Variants in SEMA5A observed in about 807,000 individuals in gnomAD.
SEMA5A encodes semaphorin-5A.
Under a neutral mutation model 135.5 loss-of-function variants are expected in SEMA5A, and 55 were observed. The observed-to-expected ratio is 0.41, with a 90% confidence interval of 0.33 to 0.51. The LOEUF is 0.51. Among genes scored for constraint, SEMA5A ranks in the 20% least tolerant of loss-of-function variants. The probability of loss-of-function intolerance (pLI) is 0.37; values close to 1 mark genes in which losing one functional copy is unlikely to be tolerated. For missense variants in SEMA5A, 1,290 were observed against 1,419.9 expected (o/e 0.91, Z 1.47); for synonymous variants, 580 against 546.5 (o/e 1.06, Z -0.85).
chr5:9,094,856 A>C (rs1009563546), intron 16 of SEMA5A, among the ~76,000 whole-genome samples: 1 of 152,204 alleles, frequency 6.6e-6, no homozygotes, highest in Admixed American at 6.5e-5. Context: ...CTCATGCAGC[A>C]CGGCTTATAA....
intron 3 of SEMA5A, among the ~76,000 whole-genome samples, chr5:9,338,385 AT>A (rs1010591915): frequency 2.1e-4 from 32 of 150,914 alleles, no homozygotes; most frequent in Non-Finnish European, 4.1e-4. Context: ...CTTCATTTGC[AT>A]TTTTTTTTCT....
chr5:9,285,883 C>T (rs188467865), intron 5 of SEMA5A, among the ~76,000 whole-genome samples: 13 of 152,220 alleles, frequency 8.5e-5, no homozygotes, highest in African/African-American at 2.6e-4. Flanking sequence ...TTTCAAAATA[C>T]GCAGAAAAAT....
At chr5:9,298,627 C>T (rs1048332211) in intron 5 of SEMA5A, among the ~76,000 whole-genome samples, 11 of 152,174 alleles carry the variant, frequency 7.2e-5, no homozygotes, top group Non-Finnish European at 1.6e-4. Context: ...GGTTAAGTTT[C>T]TAGTGCTGTA....
At position 9,225,500 on chromosome 5, in the gene SEMA5A, C is replaced by T. The variant is rs141529926; in HGVS notation, c.433-613G>A. Among the ~76,000 whole-genome samples, 1,213 of 145,016 alleles carry T rather than the reference C, an allele frequency of 8.4e-3. 16 individuals are homozygous for T. Among genetic ancestry groups the T allele is most frequent in the African/African-American group, 0.03 (1,165 of 38,872 alleles). On this transcript the variant is annotated intron_variant, in intron 7 of 22. Transcript: ENST00000382496. Reference sequence around the variant, plus strand: ...AGGAGAATCGCTTGAACCCAGGAGGCGGATGTTGCAGCGAGCCAAAATCGT... The same window carrying T: ...AGGAGAATCGCTTGAACCCAGGAGGTGGATGTTGCAGCGAGCCAAAATCGT...
intron 11 of SEMA5A, among the ~76,000 whole-genome samples, chr5:9,156,959 C>G (rs910718058): frequency 6.6e-6 from 1 of 152,198 alleles, no homozygotes; most frequent in Non-Finnish European, 1.5e-5. Context: ...TGATCATAAA[C>G]TTTTACTGCA....
At position 9,041,227 on chromosome 5, in the gene SEMA5A, A is replaced by ATTGT. The variant is rs1416707897; in HGVS notation, c.*1666_*1669dup. On this transcript the variant is annotated 3_prime_UTR_variant, in exon 23 of 23. Transcript: ENST00000382496. Reference sequence around the variant, plus strand: ...TAGAATTCTTCTAACACTTTCTGAAATTGTTTCTTTAAATTAGAAACAAAG... The same window carrying ATTGT: ...TAGAATTCTTCTAACACTTTCTGAAATTGTTTGTTTCTTTAAATTAGAAACAAAG... 7.9e-5 allele frequency: 12 copies of ATTGT among 152,216 alleles called. No individual in the cohort carries two copies. Among genetic ancestry groups the ATTGT allele is most frequent in the African/African-American group, 2.9e-4 (12 of 41,456 alleles). 9.4% of individuals were successfully genotyped at this position (152,216 alleles called of 1,614,324 possible).
rs959604188 is a variant in SEMA5A at position 9,122,713 on chromosome 5, G to A, written c.1724C>T (p.Pro575Leu). Residue 575 changes from proline to leucine, a missense_variant, in exon 14 of 23, where the codon CCG becomes CTG. Transcript: ENST00000382496. ...CTCGCACTGCCAGCCACCACACTGC[G>A]GGGCCGGGCTGTCGCAGGAGCGGGT... ...CRTRSCDSPA[P>L]QCGGWQCEGP... 12 of 1,613,312 alleles carry A rather than the reference G, an allele frequency of 7.4e-6. No individual in the cohort carries two copies. Among genetic ancestry groups the A allele is most frequent in the African/African-American group, 4.0e-5 (3 of 74,918 alleles).
At chr5:9,531,393 A>G (rs1486722514) in intron 1 of SEMA5A, among the ~76,000 whole-genome samples, 1 of 152,126 alleles carries the variant, frequency 6.6e-6, no homozygotes, top group Non-Finnish European at 1.5e-5. Flanking sequence ...GTGTACCCTG[A>G]GCTGGAGGGT....
chr5:9,455,079 G>C (rs1048517463), intron 1 of SEMA5A, among the ~76,000 whole-genome samples: 1 of 152,068 alleles, frequency 6.6e-6, no homozygotes, highest in East Asian at 1.9e-4. Flanking sequence ...AAACTCAAGA[G>C]TTACAAATAG....
intron 20 of SEMA5A, among the ~76,000 whole-genome samples, chr5:9,051,574 A>C (rs1033108693): frequency 6.6e-6 from 1 of 152,232 alleles, no homozygotes; most frequent in African/African-American, 2.4e-5. Context: ...CAAATAACCA[A>C]AACATATTTA....
chr5:9,340,594 G>C (rs1181815184), intron 3 of SEMA5A, among the ~76,000 whole-genome samples: 1 of 152,152 alleles, frequency 6.6e-6, no homozygotes, highest in Non-Finnish European at 1.5e-5. Flanking sequence ...GTAATAAAAG[G>C]AGTCATGTAC....
intron 2 of SEMA5A, among the ~76,000 whole-genome samples, chr5:9,392,716 G>A (rs1259947615): frequency 1.3e-5 from 2 of 152,114 alleles, no homozygotes; most frequent in Non-Finnish European, 2.9e-5. Flanking sequence ...GCTATCCCCA[G>A]GGCCTAGGAC....
chr5:9,058,631 T>G (rs954088182), intron 18 of SEMA5A, among the ~76,000 whole-genome samples: 4 of 152,166 alleles, frequency 2.6e-5, no homozygotes, highest in Non-Finnish European at 5.9e-5. Flanking sequence ...ACAGTAAGAT[T>G]AAAAACAATG....
chr5:9,036,393 G>A lies in SEMA5A; in HGVS notation c.*6504C>T, dbSNP rs1039758133. The A allele has an allele frequency of 6.7e-6, 1 of 149,622 alleles. No individual in the cohort carries two copies. Among genetic ancestry groups the A allele is most frequent in the Non-Finnish European group, 1.5e-5 (1 of 67,120 alleles). 9.3% of individuals were successfully genotyped at this position (149,622 alleles called of 1,614,324 possible). A position where few individuals can be genotyped will look rare whatever the true frequency, so the allele number is the denominator to read the frequency against. ...TAAAAATAATCAGGCAATGTTGTAGGTGGTTCTCATTCCATGCTCACTGTA... is the reference window on the plus strand; with the variant it reads ...TAAAAATAATCAGGCAATGTTGTAGATGGTTCTCATTCCATGCTCACTGTA... On this transcript the variant is annotated 3_prime_UTR_variant, in exon 23 of 23. Transcript: ENST00000382496.
chr5:9,139,061 T>C (rs187532737), intron 12 of SEMA5A, among the ~76,000 whole-genome samples: 45 of 152,330 alleles, frequency 3.0e-4, no homozygotes, highest in Non-Finnish European at 6.2e-4. Context: ...TAAACATGCA[T>C]GTGCAAGTGC....
chr5:9,258,803 C>CTTT (rs748703578), intron 5 of SEMA5A, among the ~76,000 whole-genome samples: 4,428 of 48,916 alleles, frequency 0.091, 813 homozygotes, highest in Admixed American at 0.099. Context: ...TTCTTTCTTT[C>CTTT]TTTTTTTTTT....
At chr5:9,241,010 C>T (rs1748162455) in intron 5 of SEMA5A, among the ~76,000 whole-genome samples, 2 of 151,880 alleles carry the variant, frequency 1.3e-5, no homozygotes, top group East Asian at 1.9e-4. Flanking sequence ...CAGGATAGCC[C>T]AGTAGAGAAA....
chr5:9,101,000 T>A (rs572100602), intron 16 of SEMA5A, among the ~76,000 whole-genome samples: 1 of 152,218 alleles, frequency 6.6e-6, no homozygotes, highest in Non-Finnish European at 1.5e-5. Flanking sequence ...CTCAGATGCA[T>A]CTAGATATCT....
Position 9,197,056 on chromosome 5 carries a change from C to G in SEMA5A, c.1068+112G>C, listed in dbSNP as rs539350976. The G allele has an allele frequency of 7.6e-6, 11 of 1,438,534 alleles. No homozygotes were observed. In the Admixed American group the frequency reaches 2.0e-4, roughly 27 times the overall value. The allele number at this position is 1,438,534 out of a possible 1,614,324, so 89.1% of individuals were successfully genotyped here. A position where few individuals can be genotyped will look rare whatever the true frequency, so the allele number is the denominator to read the frequency against. ...GGCTGTCCATGAGGGGCCAGGGAGA[C>G]AGCTGCATGGTGCATGCACCCGCGG... On this transcript the variant is annotated intron_variant, in intron 10 of 22. Transcript: ENST00000382496.
Sources: gnomAD v4.1 joint callset for allele counts (sites outside exome capture counted in the v4.1 genomes callset) on GRCh38, gnomAD v4.1.1 for gene constraint, MANE v1.5 for transcripts, NCBI Gene and HGNC (gene_info 2026-07-23, HGNC 2026-07-21) for gene names.